Variants in PCBD2 observed in about 807,000 individuals in gnomAD.
PCBD2 encodes the protein pterin-4-alpha-carbinolamine dehydratase 2.
Under a neutral mutation model 16.4 loss-of-function variants are expected in PCBD2, and 12 were observed. That is an observed-to-expected ratio of 0.73 (90% CI 0.47 to 1.19). The LOEUF is 1.19. Among genes scored for constraint, PCBD2 ranks in the 50% most tolerant of loss-of-function variants. The probability of loss-of-function intolerance (pLI) is 0.00; values close to 1 mark genes in which losing one functional copy is unlikely to be tolerated. For synonymous variants in PCBD2, 58 were observed against 61.8 expected (o/e 0.94, Z 0.29); for missense variants, 138 against 156.8 (o/e 0.88, Z 0.64).
rs1162127198 is a variant in PCBD2 at position 134,911,379 on chromosome 5, G to A, written c.216+913G>A. 5.3e-5 allele frequency among the ~76,000 whole-genome samples: 8 copies of A among 152,304 alleles called. No individual in the cohort carries two copies. The East Asian group carries it at 1.5e-3, about 29-fold the overall frequency. On this transcript the variant is annotated intron_variant, in intron 2 of 3. Transcript: ENST00000254908. ...ATTAGGGACCCACCCTGTTTAGAGA[G>A]TCATCTCCCATGACTTAACCTTCAG...
At chr5:134,907,718 G>A (rs1459879618) in intron 1 of PCBD2, among the ~76,000 whole-genome samples, 1 of 147,394 alleles carries the variant, frequency 6.8e-6, no homozygotes, top group Admixed American at 6.8e-5. Flanking sequence ...TATCATCCGG[G>A]TTCAAATGAT....
intron 2 of PCBD2, among the ~76,000 whole-genome samples, chr5:134,945,776 A>G (rs1188106622): frequency 1.3e-5 from 2 of 152,146 alleles, no homozygotes; most frequent in Non-Finnish European, 2.9e-5. Context: ...AAAGAAGCAC[A>G]TTTTCTGCGC....
chr5:134,914,833 A>G (rs1296435421), intron 2 of PCBD2, among the ~76,000 whole-genome samples: 1 of 151,776 alleles, frequency 6.6e-6, no homozygotes, highest in East Asian at 1.9e-4. Context: ...CATCATGCCC[A>G]GCTAATTTTT....
At chr5:134,913,796 A>G (rs1750796994) in intron 2 of PCBD2, among the ~76,000 whole-genome samples, 1 of 152,096 alleles carries the variant, frequency 6.6e-6, no homozygotes, top group African/African-American at 2.4e-5. Context: ...ACATATTTTG[A>G]AAGTAGAATA....
chr5:134,932,698 G>A (rs1461337913), intron 2 of PCBD2, among the ~76,000 whole-genome samples: 1 of 151,172 alleles, frequency 6.6e-6, no homozygotes, highest in African/African-American at 2.4e-5. Context: ...TGCCCAGGCT[G>A]GTCTTGAATT....
rs577508904 is a variant in PCBD2, at chr5:134,944,815, C to T, written c.217-14225C>T. ...TTCCTAGAATGAGGAAATGATATGA[C>T]AATAAACAGAAATGCCCTTGCTGAA... is the stretch of plus-strand genomic sequence containing the variant. On this transcript the variant is annotated intron_variant, in intron 2 of 3. Transcript: ENST00000254908. Among the ~76,000 whole-genome samples the T allele has an allele frequency of 3.3e-5, 5 of 152,270 alleles. No individual in the cohort carries two copies. In the South Asian group the frequency reaches 8.3e-4, roughly 25 times the overall value.
intron 2 of PCBD2, among the ~76,000 whole-genome samples, chr5:134,931,193 G>A (rs1056384776): frequency 6.6e-6 from 1 of 152,076 alleles, no homozygotes; most frequent in Non-Finnish European, 1.5e-5. Context: ...TTTGGCCACC[G>A]CGCCGGCCTT....
intron 2 of PCBD2, among the ~76,000 whole-genome samples, chr5:134,957,885 A>G (rs1477833361): frequency 6.6e-6 from 1 of 152,198 alleles, no homozygotes; most frequent in East Asian, 1.9e-4. Context: ...TCAACATGGA[A>G]ACTTTTATCC....
rs1021068818 is a variant in PCBD2, at chr5:134,962,065, T to C, written c.*1384T>C. On this transcript the variant is annotated 3_prime_UTR_variant, in exon 4 of 4. Coordinates refer to ENST00000254908, the MANE Select transcript of PCBD2 (RefSeq NM_032151.5). ...TGTGAGCCATTGCCCCCAGCCAGTA[T>C]AACAGTTTGTGTGTGTGTGTGTGTG... Among the ~76,000 whole-genome samples, 1 of 145,614 alleles carries C rather than the reference T, an allele frequency of 6.9e-6. No homozygotes were observed. The highest frequency in any genetic ancestry group is 1.5e-5 in the Non-Finnish European group (1 of 65,992).
intron 2 of PCBD2, among the ~76,000 whole-genome samples, chr5:134,950,378 A>G (rs967385426): frequency 6.6e-6 from 1 of 152,230 alleles, no homozygotes; most frequent in Non-Finnish European, 1.5e-5. Flanking sequence ...CTGAGTAACG[A>G]AAGATTTGTA....
intron 1 of PCBD2, 113 bp from the exon 2 acceptor site, chr5:134,910,222 T>A: frequency 1.8e-6 from 2 of 1,131,772 alleles, no homozygotes; most frequent in Non-Finnish European, 2.5e-6. Flanking sequence ...GAAAGATGGT[T>A]AGAATTTGTT....
intron 2 of PCBD2, chr5:134,928,284 A>G (rs1464531116): frequency 5.1e-6 from 2 of 388,666 alleles, no homozygotes; most frequent in South Asian, 1.3e-4. Flanking sequence ...CCTAGAAGTG[A>G]GATGGTAAAT....
chr5:134,937,537 G>T (rs1305010966), intron 2 of PCBD2, among the ~76,000 whole-genome samples: 1 of 152,228 alleles, frequency 6.6e-6, no homozygotes, highest in Non-Finnish European at 1.5e-5. Context: ...ACCATTACCT[G>T]CCAAAAGCAC....
intron 2 of PCBD2, among the ~76,000 whole-genome samples, chr5:134,950,569 C>G (rs1053109140): frequency 2.0e-5 from 3 of 152,106 alleles, no homozygotes; most frequent in Admixed American, 6.5e-5. Flanking sequence ...ACAAAAGGAA[C>G]TTTAAGAAAA....
At position 134,918,231 on chromosome 5, in the gene PCBD2, A is replaced by G. The variant is rs183968771; in HGVS notation, c.216+7765A>G. Among the ~76,000 whole-genome samples the G allele has an allele frequency of 2.6e-5, 4 of 152,320 alleles. No homozygotes were observed. In the East Asian group the frequency reaches 5.8e-4, roughly 22 times the overall value. On this transcript the variant is annotated intron_variant, in intron 2 of 3. Transcript: ENST00000254908. ...TAGAAAATGTCATTTTGTGCTGGGCATGGTGGCTCACACCTGTAATCCCAG... is the reference window on the plus strand; with the variant it reads ...TAGAAAATGTCATTTTGTGCTGGGCGTGGTGGCTCACACCTGTAATCCCAG...
chr5:134,937,581 G>A (rs1045502309), intron 2 of PCBD2, among the ~76,000 whole-genome samples: 1 of 152,238 alleles, frequency 6.6e-6, no homozygotes, highest in Admixed American at 6.5e-5. Context: ...CGCTAATCCA[G>A]TGGTTAGCTG....
intron 2 of PCBD2, among the ~76,000 whole-genome samples, chr5:134,917,310 GC>G (rs1327519888): frequency 1.3e-5 from 2 of 152,218 alleles, no homozygotes; most frequent in African/African-American, 4.8e-5. Flanking sequence ...ACCCCTTTCT[GC>G]CCCCCAGAAG....
chr5:134,946,170 C>T (rs1352017974), intron 2 of PCBD2, among the ~76,000 whole-genome samples: 2 of 151,212 alleles, frequency 1.3e-5, no homozygotes, highest in African/African-American at 2.4e-5. Context: ...TTAAGCCTAC[C>T]CTTATAGGTT....
intron 2 of PCBD2, among the ~76,000 whole-genome samples, chr5:134,945,534 C>T (rs536474295): frequency 1.9e-4 from 29 of 152,144 alleles, no homozygotes; most frequent in African/African-American, 5.1e-4. Flanking sequence ...TATAGAAATG[C>T]GGAAAAATTT....
Sources: allele counts gnomAD v4.1 joint callset (sites outside exome capture counted in the v4.1 genomes callset), GRCh38; gene constraint gnomAD v4.1.1; transcripts MANE v1.5; gene names NCBI Gene and HGNC (gene_info 2026-07-23, HGNC 2026-07-21).